The following LDLRAD3 variants were observed in gnomAD, a reference collection of about 807,000 sequenced individuals.
The protein encoded by LDLRAD3 is low density lipoprotein receptor class A domain containing 3.
Under a neutral mutation model 29.4 loss-of-function variants are expected in LDLRAD3, and 20 were observed. That is an observed-to-expected ratio of 0.68 (90% CI 0.48 to 0.99). The LOEUF is 0.99. Ranked by LOEUF, LDLRAD3 falls within the 50% of genes least tolerant of loss-of-function variation. LDLRAD3 has a pLI of 0.00. For synonymous variants in LDLRAD3, 157 were observed against 192.7 expected, an observed-to-expected ratio of 0.81 and a Z score of 1.53; for missense variants, 420 against 454.3, an observed-to-expected ratio of 0.92 and a Z score of 0.69.
At chr11:35,997,496 T>C (rs531855132) in intron 1 of LDLRAD3, 5 of 390,046 alleles carry the variant, frequency 1.3e-5, no homozygotes, top group African/African-American at 6.3e-5. Context: ...GAATGGTCAG[T>C]TTCACTATAA....
chr11:36,031,074 T>C (rs554224359), intron 1 of LDLRAD3, among the ~76,000 whole-genome samples: 1 of 150,586 alleles, frequency 6.6e-6, no homozygotes, highest in Non-Finnish European at 1.5e-5. Flanking sequence ...GAATGGGACT[T>C]GTAATTTTTT....
At chr11:36,119,038 T>C (rs1293699057) in intron 4 of LDLRAD3, among the ~76,000 whole-genome samples, 2 of 152,024 alleles carry the variant, frequency 1.3e-5, no homozygotes, top group African/African-American at 4.8e-5. Context: ...CTGGGCCATA[T>C]TGGAAGAAGA....
At chr11:36,208,694 ATAAAT>A (rs1198899475) in intron 4 of LDLRAD3, among the ~76,000 whole-genome samples, 1 of 152,236 alleles carries the variant, frequency 6.6e-6, no homozygotes, top group African/African-American at 2.4e-5. Context: ...TAATTAATAA[ATAAAT>A]TGGAGAAAGC....
In LDLRAD3 at chr11:35,944,925, C is replaced by T. The variant is rs547348845; in HGVS notation, c.46+781C>T. Among the ~76,000 whole-genome samples, 1 of 152,312 alleles carries T rather than the reference C, an allele frequency of 6.6e-6. No homozygotes were observed. Among genetic ancestry groups the T allele is most frequent in the African/African-American group, 2.4e-5 (1 of 41,570 alleles). On this transcript the variant is annotated intron_variant, in intron 1 of 5. Coordinates refer to ENST00000315571, the MANE Select transcript of LDLRAD3 (RefSeq NM_174902.4). This position sits in a 1 kb window ranked among gnomAD's most constrained non-coding sequence, Gnocchi z 4.9. Reference sequence around the variant, plus strand: ...GACCGCAGCAAGCCTCTTTCCCTTCCAGACAGCGTGCTGTTCCCAGGAACT... The same window carrying T: ...GACCGCAGCAAGCCTCTTTCCCTTCTAGACAGCGTGCTGTTCCCAGGAACT...
chr11:36,180,722 G>A (rs1365960380), intron 4 of LDLRAD3, among the ~76,000 whole-genome samples: 1 of 151,794 alleles, frequency 6.6e-6, no homozygotes, highest in Non-Finnish European at 1.5e-5. Context: ...TGAGGAAGCA[G>A]ATGGGAGACT....
rs1018681587 is a variant in LDLRAD3, at chr11:36,231,303, G to A, written c.*1906G>A. 1.3e-5 allele frequency: 2 copies of A among 150,402 alleles called. No individual in the cohort carries two copies. Among genetic ancestry groups the A allele is most frequent in the Non-Finnish European group, 3.0e-5 (2 of 67,534 alleles). The allele number at this position is 150,402 out of a possible 1,614,324, so 9.3% of individuals were successfully genotyped here. A position where few individuals can be genotyped will look rare whatever the true frequency, so the allele number is the denominator to read the frequency against. The stretch of plus-strand genomic sequence containing the variant: ...ATTTTGTTTTGTTTAAAAAAAAAAA[G>A]AAAGAAAGAAAGAAAGAAAAACGGA... On this transcript the variant is annotated 3_prime_UTR_variant, in exon 6 of 6. Coordinates refer to ENST00000315571, the MANE Select transcript of LDLRAD3 (RefSeq NM_174902.4).
In LDLRAD3 at chr11:36,232,034, T is replaced by C. The variant is rs181708652; in HGVS notation, c.*2637T>C. ...AATAGTGTGTGACGCTCAAAGTTAA[T>C]GTAAACTGGAAAGGTTGTGTGTCGT... On this transcript the variant is annotated 3_prime_UTR_variant, in exon 6 of 6. Coordinates refer to ENST00000315571, the MANE Select transcript of LDLRAD3 (RefSeq NM_174902.4). The C allele has an allele frequency of 2.6e-5, 4 of 152,370 alleles. No individual in the cohort carries two copies. The East Asian group carries it at 5.8e-4, about 22-fold the overall frequency. 9.4% of individuals were successfully genotyped at this position (152,370 alleles called of 1,614,324 possible).
intron 4 of LDLRAD3, among the ~76,000 whole-genome samples, chr11:36,156,477 G>A (rs1213805139): frequency 6.6e-6 from 1 of 152,250 alleles, no homozygotes; most frequent in African/African-American, 2.4e-5. Context: ...TGAGCTGAAA[G>A]AAGTTGGGTC....
chr11:36,175,835 G>C (rs1298295959), intron 4 of LDLRAD3, among the ~76,000 whole-genome samples: 1 of 152,030 alleles, frequency 6.6e-6, no homozygotes, highest in East Asian at 1.9e-4. Context: ...GTTGCTCTAG[G>C]GTATAGTTTA....
intron 2 of LDLRAD3, among the ~76,000 whole-genome samples, chr11:36,075,279 G>A (rs1249916908): frequency 1.2e-5 from 1 of 83,994 alleles, no homozygotes; most frequent in Non-Finnish European, 2.8e-5. Context: ...CTTGAGCCTG[G>A]TTTCCTGTGA....
chr11:36,021,149 T>C (rs1852089423), intron 1 of LDLRAD3, among the ~76,000 whole-genome samples: 1 of 152,174 alleles, frequency 6.6e-6, no homozygotes, highest in African/African-American at 2.4e-5. Context: ...TCTTTGGCAA[T>C]ACGGGGTGGA....
At chr11:36,127,032 C>T (rs1241198741) in intron 4 of LDLRAD3, among the ~76,000 whole-genome samples, 1 of 152,040 alleles carries the variant, frequency 6.6e-6, no homozygotes, top group Non-Finnish European at 1.5e-5. Context: ...CTGGTTTTGC[C>T]CATTTTTCAG....
intron 4 of LDLRAD3, among the ~76,000 whole-genome samples, chr11:36,162,139 A>G (rs998287838): frequency 2.0e-5 from 3 of 152,206 alleles, no homozygotes; most frequent in Non-Finnish European, 2.9e-5. Flanking sequence ...GCAACTTTGA[A>G]CCAAATATAA....
chr11:35,964,560 G>A (rs924490744), intron 1 of LDLRAD3, among the ~76,000 whole-genome samples: 3 of 152,202 alleles, frequency 2.0e-5, no homozygotes, highest in African/African-American at 7.2e-5. Flanking sequence ...TACTTTGGAG[G>A]CTGTCGTCTG....
chr11:36,025,481 A>C (rs928032750), intron 1 of LDLRAD3, among the ~76,000 whole-genome samples: 1 of 146,638 alleles, frequency 6.8e-6, no homozygotes, highest in African/African-American at 2.5e-5. Context: ...CACCGCCTCC[A>C]GGGTTCACGC....
At chr11:36,122,068 C>T (rs1267750091) in intron 4 of LDLRAD3, among the ~76,000 whole-genome samples, 1 of 152,104 alleles carries the variant, frequency 6.6e-6, no homozygotes, top group Non-Finnish European at 1.5e-5. Context: ...AATGGCAGAG[C>T]CAGGATTCGA....
intron 1 of LDLRAD3, among the ~76,000 whole-genome samples, chr11:35,985,490 C>T (rs1190937730): frequency 6.6e-6 from 1 of 152,048 alleles, no homozygotes; most frequent in Non-Finnish European, 1.5e-5. Flanking sequence ...TACCTGGGCT[C>T]TAGTCAGTCT....
intron 4 of LDLRAD3, among the ~76,000 whole-genome samples, chr11:36,205,567 C>G (rs572486127): frequency 1.0e-3 from 158 of 152,272 alleles, no homozygotes; most frequent in African/African-American, 3.7e-3. Flanking sequence ...TCCTGTTATT[C>G]CCCCAAAGTC....
chr11:36,074,602 G>A (rs979836415), intron 2 of LDLRAD3, among the ~76,000 whole-genome samples: 6 of 152,286 alleles, frequency 3.9e-5, no homozygotes, highest in Admixed American at 3.3e-4. Flanking sequence ...ATGACTCTAG[G>A]TTTTATTCTA....
Sources: allele counts gnomAD v4.1 joint callset (sites outside exome capture counted in the v4.1 genomes callset), GRCh38; gene constraint gnomAD v4.1.1; non-coding constraint Gnocchi (gnomAD v3.1); transcripts MANE v1.5; gene names NCBI Gene and HGNC (gene_info 2026-07-23, HGNC 2026-07-21).